Variants in FAAP24 observed in about 807,000 individuals in gnomAD.
The protein encoded by FAAP24 is Fanconi anemia core complex-associated protein 24.
A neutral mutation model predicts 14.3 loss-of-function variants in FAAP24; 16 were observed. The ratio of observed to expected loss-of-function variants is 1.12; its 90% CI spans 0.76 to 1.69. The LOEUF is 1.69. Among genes scored for constraint, FAAP24 ranks in the 40% most tolerant of loss-of-function variants. FAAP24 has a pLI of 0.00. For missense variants in FAAP24, 234 were observed against 262.7 expected (o/e 0.89, Z 0.75); for synonymous variants, 111 against 106.2 (o/e 1.04, Z -0.28).
At chr19:32,976,349 G>A (rs1205341929) in intron 4 of FAAP24, 82 bp from the exon 5 acceptor site, 7 of 1,507,686 alleles carry the variant, frequency 4.6e-6, no homozygotes, top group African/African-American at 1.4e-5. Context: ...ATGGAAAAAC[G>A]CAATTTCTAC....
At position 32,977,762 on chromosome 19, in the gene FAAP24, T is replaced by TA; in HGVS notation, c.*1081dup. 4.7e-6 allele frequency: 1 copy of TA among 214,682 alleles called. No homozygotes were observed. Among genetic ancestry groups the TA allele is most frequent in the South Asian group, 1.9e-4 (1 of 5,342 alleles). The allele number at this position is 214,682 out of a possible 1,614,324, so 13.3% of individuals were successfully genotyped here. Reference sequence around the variant, plus strand: ...GGTGAAGCCCTGTCTCTACTAAAAATACAAAAATTAGCTGGGTGTGGTGGC... The same window carrying TA: ...GGTGAAGCCCTGTCTCTACTAAAAATAACAAAAATTAGCTGGGTGTGGTGGC... On this transcript the variant is annotated 3_prime_UTR_variant, in exon 5 of 5. Transcript: ENST00000588258.
At chr19:32,973,636 C>T in intron 3 of FAAP24, 74 bp downstream of exon 3, 3 of 1,514,158 alleles carry the variant, frequency 2.0e-6, no homozygotes, top group Non-Finnish European at 2.7e-6. Context: ...GGGTGGATCA[C>T]CTGAGGTCAG....
At position 32,977,160 on chromosome 19, in the gene FAAP24, G is replaced by C; in HGVS notation, c.*478G>C. On this transcript the variant is annotated 3_prime_UTR_variant, in exon 5 of 5. Transcript: ENST00000588258. ...CGTCCTGCCTTAGCGTCTGAGTTCA[G>C]CTTGTGAAGTTAGTGGGCCGCAGAG... 1 of 401,486 alleles carries C rather than the reference G, an allele frequency of 2.5e-6. No individual in the cohort carries two copies. Among genetic ancestry groups the C allele is most frequent in the East Asian group, 3.6e-5 (1 of 28,120 alleles). 24.9% of individuals were successfully genotyped at this position (401,486 alleles called of 1,614,324 possible). A position where few individuals can be genotyped will look rare whatever the true frequency, so the allele number is the denominator to read the frequency against.
At position 32,977,278 on chromosome 19, in the gene FAAP24, A is replaced by AT; in HGVS notation, c.*600dup. 2.5e-6 allele frequency: 1 copy of AT among 398,832 alleles called. No homozygotes were observed. Among genetic ancestry groups the AT allele is most frequent in the Non-Finnish European group, 4.4e-6 (1 of 226,270 alleles). The allele number at this position is 398,832 out of a possible 1,614,324, so 24.7% of individuals were successfully genotyped here. On this transcript the variant is annotated 3_prime_UTR_variant, in exon 5 of 5. Coordinates refer to ENST00000588258, the MANE Select transcript of FAAP24 (RefSeq NM_152266.5). ...CACTCAGCAAAAAGCATTAGGGCCGATTTTAATGTGCGACCTTGACCTGCA... is the reference window on the plus strand; with the variant it reads ...CACTCAGCAAAAAGCATTAGGGCCGATTTTTAATGTGCGACCTTGACCTGCA...
rs761758031 is a variant in FAAP24 at position 32,973,426 on chromosome 19, G to A, written c.107G>A (p.Gly36Glu). 7 of 1,613,694 alleles carry A rather than the reference G, an allele frequency of 4.3e-6. No individual in the cohort carries two copies. The highest frequency in any genetic ancestry group is 5.1e-6 in the Non-Finnish European group (6 of 1,179,830). Residue 36 changes from glycine (G) to glutamate (E), a missense_variant and splice_region_variant, in exon 3 of 5, where the codon GGG (glycine) becomes GAG (glutamate). Physicochemically the swap from Gly to Glu is moderately conservative, Grantham distance 98. Coordinates refer to ENST00000588258, the MANE Select transcript of FAAP24 (RefSeq NM_152266.5). ...RGSQLAQEMQ[G>E]KIKLIFEDGL... ...CTCATTTTCTTCTCTGTATTTTAAG[G>A]GAAAATTAAGCTCATTTTCGAGGAT...
chr19:32,972,433 G>A (rs1044821870), intron 1 of FAAP24, 87 bp downstream of exon 1: 1 of 400,768 alleles, frequency 2.5e-6, no homozygotes, highest in African/African-American at 2.1e-5. Flanking sequence ...CTGGTTCTTA[G>A]AGAATTTATT....
rs1971543409 is a variant in FAAP24 at position 32,978,096 on chromosome 19, T to TA, written c.*1415dup. 6.7e-6 allele frequency: 1 copy of TA among 150,314 alleles called. No homozygotes were observed. Among genetic ancestry groups the TA allele is most frequent in the Non-Finnish European group, 1.5e-5 (1 of 67,478 alleles). The allele number at this position is 150,314 out of a possible 1,614,324, so 9.3% of individuals were successfully genotyped here. ...AGGTACAAATTGCCCATTCAAAAAA[T>TA]AGACACAGGCCAGGCACAGTGGCTC... On this transcript the variant is annotated 3_prime_UTR_variant, in exon 5 of 5. Coordinates refer to ENST00000588258, the MANE Select transcript of FAAP24 (RefSeq NM_152266.5).
At position 32,972,294 on chromosome 19, in the gene FAAP24, G is replaced by T. The variant is rs867265606; in HGVS notation, c.-66G>T. The T allele has an allele frequency of 4.7e-6, 2 of 425,190 alleles. No homozygotes were observed. The highest frequency in any genetic ancestry group is 8.4e-6 in the Non-Finnish European group (2 of 239,272). 26.3% of individuals were successfully genotyped at this position (425,190 alleles called of 1,614,324 possible). On this transcript the variant is annotated 5_prime_UTR_variant, in exon 1 of 5. Transcript: ENST00000588258. Reference sequence around the variant, plus strand: ...AGTAACATGATCTCTAGACTGGGACGGTGGGGTTCCTGCCGGCTGTATTCG... The same window carrying T: ...AGTAACATGATCTCTAGACTGGGACTGTGGGGTTCCTGCCGGCTGTATTCG...
In FAAP24 at chr19:32,977,998, C is replaced by T. The variant is rs1324290098; in HGVS notation, c.*1316C>T. ...AGGCTGTGTTTGTATATGAAAGGCCCAACAATGGAAGGATACAAGAAAATG... is the reference window on the plus strand; with the variant it reads ...AGGCTGTGTTTGTATATGAAAGGCCTAACAATGGAAGGATACAAGAAAATG... On this transcript the variant is annotated 3_prime_UTR_variant, in exon 5 of 5. Transcript: ENST00000588258. The T allele has an allele frequency of 1.3e-5, 2 of 151,786 alleles. No homozygotes were observed. The highest frequency in any genetic ancestry group is 3.9e-4 in the East Asian group (2 of 5,164). The allele number at this position is 151,786 out of a possible 1,614,324, so 9.4% of individuals were successfully genotyped here.
At chr19:32,972,795 A>G (rs1165941864) in intron 1 of FAAP24, among the ~76,000 whole-genome samples, 4 of 139,156 alleles carry the variant, frequency 2.9e-5, no homozygotes, top group Non-Finnish European at 4.6e-5. Flanking sequence ...GCTCACTGCA[A>G]CCTCCGCCTT....
rs1241054943 is a variant in FAAP24 at position 32,977,243 on chromosome 19, C to G, written c.*561C>G. On this transcript the variant is annotated 3_prime_UTR_variant, in exon 5 of 5. Coordinates refer to ENST00000588258, the MANE Select transcript of FAAP24 (RefSeq NM_152266.5). ...GCTGGTGGGATCTTCGCAAGAGAGTCAGGGACTCACACTCAGCAAAAAGCA... is the reference window on the plus strand; with the variant it reads ...GCTGGTGGGATCTTCGCAAGAGAGTGAGGGACTCACACTCAGCAAAAAGCA... 5.0e-6 allele frequency: 2 copies of G among 399,204 alleles called. No homozygotes were observed. Among genetic ancestry groups the G allele is most frequent in the African/African-American group, 2.1e-5 (1 of 48,714 alleles). The allele number at this position is 399,204 out of a possible 1,614,324, so 24.7% of individuals were successfully genotyped here.
chr19:32,977,531 C>T lies in FAAP24; in HGVS notation c.*849C>T, dbSNP rs545797133. 52 of 398,180 alleles carry T rather than the reference C, an allele frequency of 1.3e-4. No individual in the cohort carries two copies. The East Asian group carries it at 1.6e-3, about 12-fold the overall frequency. The allele number at this position is 398,180 out of a possible 1,614,324, so 24.7% of individuals were successfully genotyped here. On this transcript the variant is annotated 3_prime_UTR_variant, in exon 5 of 5. Coordinates refer to ENST00000588258, the MANE Select transcript of FAAP24 (RefSeq NM_152266.5). ...CCTTTCCTTTGTTCCTCCCTCCCCC[C>T]GGCCTTTTTTTTTGGCAGATGTACA...
intron 1 of FAAP24, 55 bp downstream of exon 1, chr19:32,972,401 C>T: frequency 5.0e-6 from 2 of 401,764 alleles, no homozygotes; most frequent in Admixed American, 8.6e-5. Flanking sequence ...ATGAAGGACG[C>T]GGACACCAGG....
Position 32,976,928 on chromosome 19 carries a change from C to A in FAAP24, c.*246C>A. 1.8e-6 allele frequency: 1 copy of A among 548,150 alleles called. No homozygotes were observed. The highest frequency in any genetic ancestry group is 3.2e-6 in the Non-Finnish European group (1 of 313,966). The allele number at this position is 548,150 out of a possible 1,614,324, so 34.0% of individuals were successfully genotyped here. On this transcript the variant is annotated 3_prime_UTR_variant, in exon 5 of 5. Coordinates refer to ENST00000588258, the MANE Select transcript of FAAP24 (RefSeq NM_152266.5). The stretch of plus-strand genomic sequence containing the variant: ...TGGTGACAGGTGCCTGTAATCCCAG[C>A]TACTTGGGAGGCCGAGGCATGAGAA...
Position 32,976,813 on chromosome 19 carries a change from C to G in FAAP24, c.*131C>G. On this transcript the variant is annotated 3_prime_UTR_variant, in exon 5 of 5. Transcript: ENST00000588258. ...CTCTAATCTCAGCACTTTGGGAGGCCGAAGACAGCGGATCATCTGAGGTCA... is the reference window on the plus strand; with the variant it reads ...CTCTAATCTCAGCACTTTGGGAGGCGGAAGACAGCGGATCATCTGAGGTCA... 1 of 1,171,942 alleles carries G rather than the reference C, an allele frequency of 8.5e-7. No homozygotes were observed. Among genetic ancestry groups the G allele is most frequent in the Non-Finnish European group, 1.2e-6 (1 of 848,972 alleles). The allele number at this position is 1,171,942 out of a possible 1,614,324, so 72.6% of individuals were successfully genotyped here.
Position 32,973,562 on chromosome 19 carries a change from TGTAA to T in FAAP24, c.243+4_243+7del, listed in dbSNP as rs776812498. 5 of 1,613,868 alleles carry T rather than the reference TGTAA, an allele frequency of 3.1e-6. No homozygotes were observed. In the African/African-American group the frequency reaches 4.0e-5, roughly 13 times the overall value. ...GAAAGAGGCTTGTTCGGGTTAGAAA[TGTAA>T]GTATTAGGCTGGGTGCTGTGGCTCA... On this transcript the variant is annotated splice_donor_variant and splice_donor_region_variant and intron_variant, in intron 3 of 4. Coordinates refer to ENST00000588258, the MANE Select transcript of FAAP24 (RefSeq NM_152266.5). LOFTEE classifies it high-confidence loss of function.
chr19:32,972,416 G>A (rs1599795441), intron 1 of FAAP24, 70 bp downstream of exon 1: 2 of 401,680 alleles, frequency 5.0e-6, no homozygotes, highest in Non-Finnish European at 4.4e-6. Context: ...ACCAGGACAG[G>A]AATCTCCTGG....
rs1971537538 is a variant in FAAP24, at chr19:32,977,574, G to A, written c.*892G>A. 2.5e-6 allele frequency: 1 copy of A among 396,922 alleles called. No homozygotes were observed. The allele number at this position is 396,922 out of a possible 1,614,324, so 24.6% of individuals were successfully genotyped here. The stretch of plus-strand genomic sequence containing the variant: ...GATGTACAGTTTGTTTATAATCACT[G>A]CATATGTCTTCTGCACACAGAAAGT... On this transcript the variant is annotated 3_prime_UTR_variant, in exon 5 of 5. Coordinates refer to ENST00000588258, the MANE Select transcript of FAAP24 (RefSeq NM_152266.5).
Position 32,976,572 on chromosome 19 carries a change from A to C in FAAP24, c.538A>C (p.Lys180Gln). The change falls in exon 5 of 5, where the codon AAG becomes CAG. Residue 180 changes from lysine to glutamine, a missense_variant. Physicochemically the swap from Lys to Gln is moderately conservative, Grantham distance 53 (BLOSUM62 1). Coordinates refer to ENST00000588258, the MANE Select transcript of FAAP24 (RefSeq NM_152266.5). ...AGTTAAAGCTCCCCTTCTCCTCCAG[A>C]AGTTTCCAAGCATCCAGCAACTGAG... is the stretch of plus-strand genomic sequence containing the variant. ...GKVKAPLLLQKFPSIQQLSNA... is the reference protein window; with the variant it reads ...GKVKAPLLLQQFPSIQQLSNA... The C allele has an allele frequency of 6.2e-7, 1 of 1,614,152 alleles. No individual in the cohort carries two copies. The highest frequency in any genetic ancestry group is 8.5e-7 in the Non-Finnish European group (1 of 1,180,042).
Sources: gnomAD v4.1 joint callset for allele counts (sites outside exome capture counted in the v4.1 genomes callset) on GRCh38, gnomAD v4.1.1 for gene constraint, MANE v1.5 for transcripts, NCBI Gene and HGNC (gene_info 2026-07-23, HGNC 2026-07-21) for gene names.